Variants in PTPRT observed in about 807,000 individuals in gnomAD.
PTPRT encodes protein tyrosine phosphatase receptor type T.
Under a neutral mutation model 176.8 loss-of-function variants are expected in PTPRT, and 56 were observed. The observed-to-expected ratio is 0.32, with a 90% CI of 0.26 to 0.40. The LOEUF is 0.40. PTPRT is among the 10% of genes least tolerant of loss of function. The pLI is 1.00. For synonymous variants in PTPRT, 783 were observed against 739.0 expected, an observed-to-expected ratio of 1.06 and a Z score of -0.96; for missense variants, 1,540 against 1,908.2, an observed-to-expected ratio of 0.81 and a Z score of 3.60.
intron 7 of PTPRT, among the ~76,000 whole-genome samples, chr20:42,526,956 C>CTTTTTTTTTTTTTT (rs915511549): frequency 1.8e-4 from 14 of 78,712 alleles, no homozygotes; most frequent in African/African-American, 1.9e-4. Context: ...GTTCTTTTTT[C>CTTTTTTTTTTTTTT]TTTTTTTTTT....
Position 42,791,312 on chromosome 20 carries a change from G to A in PTPRT, c.369C>T (p.Tyr123=), listed in dbSNP as rs571326580. 41 of 1,614,174 alleles carry A rather than the reference G, an allele frequency of 2.5e-5. No homozygotes were observed. The highest frequency in any genetic ancestry group is 1.6e-4 in the East Asian group (7 of 44,880). ...DRSSPGALNV[Y]VKVNGGPQGN... ...CTTGGGGGCCACCATTCACCTTCAC[G>A]TAGACGTTCAAGGCCCCTGGGCTGG... Residue 123 remains tyrosine, a synonymous_variant, in exon 3 of 31, where the codon TAC becomes TAT. Transcript: ENST00000373187.
At chr20:42,139,424 G>A (rs1299088893) in intron 18 of PTPRT, among the ~76,000 whole-genome samples, 1 of 152,204 alleles carries the variant, frequency 6.6e-6, no homozygotes, top group South Asian at 2.1e-4. Context: ...AGTAGGAAAG[G>A]GGTGATGTAC....
chr20:42,947,763 C>A (rs1361864256), intron 1 of PTPRT, among the ~76,000 whole-genome samples: 1 of 152,152 alleles, frequency 6.6e-6, no homozygotes, highest in Non-Finnish European at 1.5e-5. Context: ...ACTCTCCAAT[C>A]CAGTGCATGA....
chr20:42,349,975 C>T (rs558875312), intron 11 of PTPRT, among the ~76,000 whole-genome samples: 34 of 152,142 alleles, frequency 2.2e-4, no homozygotes, highest in Non-Finnish European at 4.7e-4. Context: ...GACTCCAGCA[C>T]CCTACAGCCT....
chr20:43,144,889 A>AC (rs1319478961), intron 1 of PTPRT, among the ~76,000 whole-genome samples: 1 of 152,132 alleles, frequency 6.6e-6, no homozygotes, highest in Non-Finnish European at 1.5e-5. Context: ...GTCATCAGTT[A>AC]CCCCCAGGAT....
At chr20:42,941,247 C>T (rs1980533277) in intron 1 of PTPRT, among the ~76,000 whole-genome samples, 1 of 152,248 alleles carries the variant, frequency 6.6e-6, no homozygotes, top group Non-Finnish European at 1.5e-5. Flanking sequence ...CAGCTTACCT[C>T]TCAGAGCTGC....
At chr20:42,517,454 A>G (rs1237210972) in intron 7 of PTPRT, among the ~76,000 whole-genome samples, 1 of 151,852 alleles carries the variant, frequency 6.6e-6, no homozygotes, top group Non-Finnish European at 1.5e-5. Flanking sequence ...TTATGGAATT[A>G]ACTTTGACTT....
chr20:43,010,560 G>A (rs1362273882), intron 1 of PTPRT, among the ~76,000 whole-genome samples: 1 of 152,136 alleles, frequency 6.6e-6, no homozygotes, highest in Non-Finnish European at 1.5e-5. Context: ...AGATATTGAG[G>A]TAAAGCATTT....
At chr20:42,189,951 C>T (rs1243204677) in intron 16 of PTPRT, among the ~76,000 whole-genome samples, 1 of 152,200 alleles carries the variant, frequency 6.6e-6, no homozygotes, top group African/African-American at 2.4e-5. Context: ...GGTCAACTTT[C>T]TCAAGGCTGC....
intron 7 of PTPRT, among the ~76,000 whole-genome samples, chr20:42,558,126 C>A (rs1269573521): frequency 6.6e-6 from 1 of 152,094 alleles, no homozygotes; most frequent in African/African-American, 2.4e-5. Flanking sequence ...TTTTCCTGAT[C>A]ATCTCCCTTC....
intron 9 of PTPRT, among the ~76,000 whole-genome samples, chr20:42,393,995 T>G (rs2058825269): frequency 6.7e-6 from 1 of 149,808 alleles, no homozygotes. Flanking sequence ...CCAAAACAAA[T>G]AAGGAGGAAG....
chr20:42,613,409 G>T (rs528945045), intron 7 of PTPRT, among the ~76,000 whole-genome samples: 85 of 152,208 alleles, frequency 5.6e-4, no homozygotes, highest in Non-Finnish European at 1.1e-3. Context: ...ATCACTGGGC[G>T]AATAGCCCGT....
intron 2 of PTPRT, among the ~76,000 whole-genome samples, chr20:42,838,747 C>A (rs147244406): frequency 6.6e-6 from 1 of 152,322 alleles, no homozygotes; most frequent in Non-Finnish European, 1.5e-5. Flanking sequence ...GGCAGGGAAT[C>A]CAAATTCCAA....
At chr20:42,459,350 T>A (rs993976715) in intron 8 of PTPRT, among the ~76,000 whole-genome samples, 1 of 152,090 alleles carries the variant, frequency 6.6e-6, no homozygotes, top group African/African-American at 2.4e-5. Flanking sequence ...TTAATGTGAG[T>A]GACAAGAGAA....
At chr20:42,496,849 A>G (rs1040952288) in intron 7 of PTPRT, among the ~76,000 whole-genome samples, 1 of 151,944 alleles carries the variant, frequency 6.6e-6, no homozygotes, top group African/African-American at 2.4e-5. Flanking sequence ...GGCTCTCTTT[A>G]TACCGTTGAC....
chr20:42,624,938 A>G (rs2074263945), intron 7 of PTPRT, among the ~76,000 whole-genome samples: 1 of 152,194 alleles, frequency 6.6e-6, no homozygotes, highest in African/African-American at 2.4e-5. Context: ...AAGGGACTCC[A>G]GAGGTACCAC....
intron 6 of PTPRT, among the ~76,000 whole-genome samples, chr20:42,721,388 G>A (rs2076300148): frequency 6.6e-6 from 1 of 152,220 alleles, no homozygotes; most frequent in South Asian, 2.1e-4. Flanking sequence ...ATGGGAGGAT[G>A]TGGGTGTCAC....
intron 7 of PTPRT, among the ~76,000 whole-genome samples, chr20:42,610,624 C>T (rs1459579927): frequency 6.6e-6 from 1 of 152,090 alleles, no homozygotes; most frequent in Non-Finnish European, 1.5e-5. Flanking sequence ...ATAAATAAGT[C>T]ACCTGCTTGT....
intron 1 of PTPRT, among the ~76,000 whole-genome samples, chr20:42,955,546 T>C (rs1981575092): frequency 6.6e-6 from 1 of 152,208 alleles, no homozygotes; most frequent in South Asian, 2.1e-4. Flanking sequence ...CCGTAATTAG[T>C]ATGATTATTA....
Sources: gnomAD v4.1 joint callset for allele counts (sites outside exome capture counted in the v4.1 genomes callset) on GRCh38, gnomAD v4.1.1 for gene constraint, MANE v1.5 for transcripts, NCBI Gene and HGNC (gene_info 2026-07-23, HGNC 2026-07-21) for gene names.